The following GALNT11 variants were observed in gnomAD, a reference collection of about 807,000 sequenced individuals.
The protein encoded by GALNT11 is polypeptide N-acetylgalactosaminyltransferase 11.
A neutral mutation model predicts 72.7 loss-of-function variants in GALNT11; 47 were observed. The ratio of observed to expected loss-of-function variants is 0.65; its 90% confidence interval spans 0.51 to 0.82. The LOEUF (loss-of-function observed/expected upper bound fraction) is 0.82. Among genes scored for constraint, GALNT11 ranks in the 40% least tolerant of loss-of-function variants. The pLI is 0.00. For missense variants in GALNT11, 677 were observed against 778.4 expected, an observed-to-expected ratio of 0.87 and a Z score of 1.55; for synonymous variants, 270 against 286.6, an observed-to-expected ratio of 0.94 and a Z score of 0.58.
intron 1 of GALNT11, among the ~76,000 whole-genome samples, chr7:152,067,341 G>C (rs566496539): frequency 6.6e-6 from 1 of 152,298 alleles, no homozygotes; most frequent in Non-Finnish European, 1.5e-5. Flanking sequence ...CATGTGCACA[G>C]CCCACCCTTG....
At chr7:152,067,397 T>TA (rs1331550431) in intron 1 of GALNT11, among the ~76,000 whole-genome samples, 1 of 152,108 alleles carries the variant, frequency 6.6e-6, no homozygotes, top group Admixed American at 6.5e-5. Flanking sequence ...GGAGATCTGT[T>TA]ATAGTCTGTC....
At chr7:152,120,651 T>C (rs375125068) in intron 10 of GALNT11, 180 bp from the exon 11 acceptor site, 1 of 581,832 alleles carries the variant, frequency 1.7e-6, no homozygotes. Context: ...CACCTCACTT[T>C]CTCCTGCCTT....
intron 3 of GALNT11, 82 bp downstream of exon 3, chr7:152,101,003 T>A: frequency 6.5e-7 from 1 of 1,540,064 alleles, no homozygotes; most frequent in Non-Finnish European, 8.8e-7. Context: ...GAGGACGGGG[T>A]TCATATTTCC....
chr7:152,118,810 A>T (rs1319735755), intron 10 of GALNT11, 28 bp downstream of exon 10: 3 of 1,574,564 alleles, frequency 1.9e-6, no homozygotes, highest in Non-Finnish European at 2.6e-6. Context: ...GCTCACAGCC[A>T]GTGTCCGCAA....
chr7:152,081,486 A>G (rs1222242002), intron 1 of GALNT11, among the ~76,000 whole-genome samples: 1 of 152,246 alleles, frequency 6.6e-6, no homozygotes, highest in Non-Finnish European at 1.5e-5. Flanking sequence ...GATATTAACA[A>G]CAGTTTTTAA....
In GALNT11 at chr7:152,103,086, G is replaced by A. The variant is rs200665132; in HGVS notation, c.420-26G>A. ...ACCATTCGAGCCTTTTAAAATGTCA[G>A]AATTTCCTCATCTTTATCTTTACAG... On this transcript the variant is annotated intron_variant, in intron 3 of 11. Transcript: ENST00000430044. 3.4e-5 allele frequency: 54 copies of A among 1,581,344 alleles called. 1 individual carries two copies. In the East Asian group the frequency reaches 1.2e-3, roughly 36 times the overall value.
At chr7:152,041,469 G>C (rs2082855876) in intron 1 of GALNT11, among the ~76,000 whole-genome samples, 1 of 152,176 alleles carries the variant, frequency 6.6e-6, no homozygotes, top group Non-Finnish European at 1.5e-5. Flanking sequence ...ATCACTATCA[G>C]AGTAGTGACT....
At chr7:152,083,978 G>T (rs562760291) in intron 1 of GALNT11, among the ~76,000 whole-genome samples, 15 of 152,092 alleles carry the variant, frequency 9.9e-5, no homozygotes, top group Non-Finnish European at 2.1e-4. Flanking sequence ...GACTTTTTGT[G>T]GGGGAGGTTC....
At chr7:152,057,989 A>G (rs1485330900) in intron 1 of GALNT11, among the ~76,000 whole-genome samples, 3 of 152,124 alleles carry the variant, frequency 2.0e-5, no homozygotes, top group Non-Finnish European at 2.9e-5. Flanking sequence ...TGACCCTGAC[A>G]GTTTTGAGAA....
chr7:152,071,678 T>C (rs1327054389), intron 1 of GALNT11, among the ~76,000 whole-genome samples: 3 of 152,166 alleles, frequency 2.0e-5, no homozygotes, highest in African/African-American at 7.2e-5. Flanking sequence ...GTCCACGAAA[T>C]CTTCACAATT....
intron 1 of GALNT11, among the ~76,000 whole-genome samples, chr7:152,037,344 G>C (rs2082629854): frequency 6.6e-6 from 1 of 152,112 alleles, no homozygotes; most frequent in Non-Finnish European, 1.5e-5. Context: ...TATGTTCTTG[G>C]CACTTCTGTC....
At chr7:152,055,432 A>G (rs1285263630) in intron 1 of GALNT11, among the ~76,000 whole-genome samples, 4 of 152,110 alleles carry the variant, frequency 2.6e-5, no homozygotes, top group African/African-American at 7.2e-5. Flanking sequence ...ATAAATTGCT[A>G]GGTAATTTAT....
chr7:152,075,732 G>A (rs2084919606), intron 1 of GALNT11, among the ~76,000 whole-genome samples: 1 of 151,252 alleles, frequency 6.6e-6, no homozygotes, highest in Admixed American at 6.6e-5. Context: ...GGAGGCGGAG[G>A]TTGCGGTGAG....
At chr7:152,081,153 G>A (rs755371697) in intron 1 of GALNT11, among the ~76,000 whole-genome samples, 2 of 152,148 alleles carry the variant, frequency 1.3e-5, no homozygotes, top group African/African-American at 2.4e-5. Flanking sequence ...TCTGAAAAAT[G>A]TTAGATTGGT....
chr7:152,095,403 T>C (rs2086306726), intron 2 of GALNT11, among the ~76,000 whole-genome samples: 1 of 152,124 alleles, frequency 6.6e-6, no homozygotes, highest in Non-Finnish European at 1.5e-5. Flanking sequence ...AAGAGATTTT[T>C]GAGAGATTGA....
chr7:152,057,348 C>A (rs1292951457), intron 1 of GALNT11, among the ~76,000 whole-genome samples: 2 of 149,670 alleles, frequency 1.3e-5, no homozygotes, highest in African/African-American at 4.9e-5. Flanking sequence ...ACTCTGTTGC[C>A]CAGGCTGGAG....
At chr7:152,043,550 C>G (rs2082973939) in intron 1 of GALNT11, among the ~76,000 whole-genome samples, 1 of 152,178 alleles carries the variant, frequency 6.6e-6, no homozygotes, top group Non-Finnish European at 1.5e-5. Flanking sequence ...GGGGGGTGTA[C>G]TCTAACAGGG....
rs181244245 is a variant in GALNT11, at chr7:152,058,162, A to G, written c.-39+32278A>G. Among the ~76,000 whole-genome samples, 10 of 152,290 alleles carry G rather than the reference A, an allele frequency of 6.6e-5. No homozygotes were observed. The East Asian group carries it at 1.9e-3, about 29-fold the overall frequency. On this transcript the variant is annotated intron_variant, in intron 1 of 11. Transcript: ENST00000430044. ...GTGTGCAATAGCATTATAGCTTAAA[A>G]AAAAAGCCCAATGTGCATGCCTTAA...
At chr7:152,085,969 CCT>C (rs2085623581) in intron 1 of GALNT11, among the ~76,000 whole-genome samples, 2 of 151,554 alleles carry the variant, frequency 1.3e-5, no homozygotes, top group South Asian at 4.2e-4. Context: ...CTCACTGCAA[CCT>C]CTGAGTCCCT....
Sources: gnomAD v4.1 joint callset for allele counts (sites outside exome capture counted in the v4.1 genomes callset) on GRCh38, gnomAD v4.1.1 for gene constraint, MANE v1.5 for transcripts, NCBI Gene and HGNC (gene_info 2026-07-23, HGNC 2026-07-21) for gene names.